Variants in NCKAP5 observed in about 807,000 individuals in gnomAD.
NCKAP5 encodes nck-associated protein 5.
A neutral mutation model predicts 167.0 loss-of-function variants in NCKAP5; 92 were observed. The observed-to-expected ratio is 0.55, with a 90% CI of 0.47 to 0.66. NCKAP5 has a LOEUF of 0.66. Ranked by LOEUF, NCKAP5 falls within the 30% of genes least tolerant of loss-of-function variation. NCKAP5 has a pLI of 0.00. For missense variants in NCKAP5, 2,378 were observed against 2,315.0 expected (o/e 1.03, Z -0.56); for synonymous variants, 891 against 877.4 (o/e 1.02, Z -0.27).
At chr2:133,445,405 T>C (rs1691131645) in intron 3 of NCKAP5, among the ~76,000 whole-genome samples, 1 of 152,188 alleles carries the variant, frequency 6.6e-6, no homozygotes, top group Admixed American at 6.5e-5. Flanking sequence ...TTGACTTAAT[T>C]CTCATAAAAA....
Position 132,672,956 on chromosome 2 carries a change from ACCCCCCAC to A in NCKAP5, c.*325_*332del. On this transcript the variant is annotated 3_prime_UTR_variant, in exon 20 of 20. Coordinates refer to ENST00000409261, the MANE Select transcript of NCKAP5 (RefSeq NM_207363.3). ...TATTGTTATCTCTATCAAGCGGTGC[ACCCCCCAC>A]CCCCCACCCATCATTTCTTAAGCGC... The A allele has an allele frequency of 9.0e-6, 2 of 221,538 alleles. No homozygotes were observed. Among genetic ancestry groups the A allele is most frequent in the Non-Finnish European group, 1.4e-5 (2 of 145,196 alleles). 13.7% of individuals were successfully genotyped at this position (221,538 alleles called of 1,614,324 possible). A position where few individuals can be genotyped will look rare whatever the true frequency, so the allele number is the denominator to read the frequency against.
chr2:133,115,944 C>A (rs2082068106), intron 6 of NCKAP5, among the ~76,000 whole-genome samples: 1 of 151,034 alleles, frequency 6.6e-6, no homozygotes, highest in African/African-American at 2.4e-5. Flanking sequence ...AAATGAGGAA[C>A]TCTAGATAAA....
At chr2:133,032,898 G>A (rs916723330) in intron 6 of NCKAP5, among the ~76,000 whole-genome samples, 7 of 152,224 alleles carry the variant, frequency 4.6e-5, no homozygotes, top group African/African-American at 1.7e-4. Flanking sequence ...GCAAGCGAAG[G>A]GGGAAGTGCT....
intron 11 of NCKAP5, among the ~76,000 whole-genome samples, chr2:132,837,830 A>T (rs1688006206): frequency 6.6e-6 from 1 of 151,900 alleles, no homozygotes. Flanking sequence ...CACTGGGGAG[A>T]CCTCCAAATG....
At chr2:133,609,020 C>T in the NCKAP5 span, among the ~76,000 whole-genome samples, 1 of 152,206 alleles carries the variant, frequency 6.6e-6, no homozygotes, top group African/African-American at 2.4e-5. Flanking sequence ...AAATCCTGCG[C>T]CTCCTTCCAC....
chr2:133,233,340 A>C (rs542709717), intron 4 of NCKAP5, among the ~76,000 whole-genome samples: 1 of 152,192 alleles, frequency 6.6e-6, no homozygotes, highest in Admixed American at 6.5e-5. Context: ...ACCAATACCC[A>C]TTTTATGCAA....
intron 3 of NCKAP5, among the ~76,000 whole-genome samples, chr2:133,365,699 T>C (rs1376557051): frequency 6.6e-6 from 1 of 152,250 alleles, no homozygotes; most frequent in Admixed American, 6.5e-5. Context: ...TGTGAATACA[T>C]TGAAGGCCAT....
chr2:133,098,014 T>C (rs2081395395), intron 6 of NCKAP5, among the ~76,000 whole-genome samples: 1 of 152,234 alleles, frequency 6.6e-6, no homozygotes. Flanking sequence ...TTCTATTATA[T>C]GATCTCCTCA....
At chr2:133,079,372 A>C (rs2080726570) in intron 6 of NCKAP5, among the ~76,000 whole-genome samples, 1 of 152,174 alleles carries the variant, frequency 6.6e-6, no homozygotes, top group South Asian at 2.1e-4. Context: ...TTAACTGAAA[A>C]AGTTTCAGCT....
chr2:133,604,790 C>A, the NCKAP5 span, among the ~76,000 whole-genome samples: 1 of 152,184 alleles, frequency 6.6e-6, no homozygotes, highest in South Asian at 2.1e-4. Flanking sequence ...CTAAGACCGG[C>A]TTGGTCTGGG....
chr2:133,253,535 T>G (rs2088458518), intron 4 of NCKAP5, among the ~76,000 whole-genome samples: 1 of 152,178 alleles, frequency 6.6e-6, no homozygotes, highest in Non-Finnish European at 1.5e-5. Context: ...AATGCCCCCA[T>G]GCCTTGGACT....
rs1683066993 is a variant in NCKAP5 at position 132,781,924 on chromosome 2, T to A, written c.4871+16A>T. 11 of 1,596,460 alleles carry A rather than the reference T, an allele frequency of 6.9e-6. No homozygotes were observed. The East Asian group carries it at 2.5e-4, about 36-fold the overall frequency. On this transcript the variant is annotated intron_variant, in intron 14 of 19. Coordinates refer to ENST00000409261, the MANE Select transcript of NCKAP5 (RefSeq NM_207363.3). Reference sequence around the variant, plus strand: ...GGGACCCCTCTACATTGCTACCTGCTTTTCCAGTGAGTTACCTGTTCAAGA... The same window carrying A: ...GGGACCCCTCTACATTGCTACCTGCATTTCCAGTGAGTTACCTGTTCAAGA...
the NCKAP5 span, among the ~76,000 whole-genome samples, chr2:133,661,722 G>T: frequency 6.6e-6 from 1 of 152,024 alleles, no homozygotes; most frequent in Non-Finnish European, 1.5e-5. Context: ...GAGTTTGAAG[G>T]TCTCCCAACC....
chr2:132,886,271 C>G (rs1338725722), intron 8 of NCKAP5, among the ~76,000 whole-genome samples: 2 of 152,184 alleles, frequency 1.3e-5, no homozygotes, highest in Non-Finnish European at 2.9e-5. Context: ...ACCACATTTG[C>G]TTATCATTTA....
At position 133,258,694 on chromosome 2, in the gene NCKAP5, C is replaced by T. The variant is rs79766053; in HGVS notation, c.143+44343G>A. Among the ~76,000 whole-genome samples the T allele has an allele frequency of 7.4e-3, 1,116 of 151,082 alleles. 14 individuals are homozygous for T. Among genetic ancestry groups the T allele is most frequent in the African/African-American group, 0.023 (956 of 41,044 alleles). ...CAGGGAGGTTGAGGTTGCAGTGAGC[C>T]GAGATTGTGCCACTGCATTTTAGCC... On this transcript the variant is annotated intron_variant, in intron 4 of 19. Transcript: ENST00000409261.
intron 12 of NCKAP5, among the ~76,000 whole-genome samples, chr2:132,791,832 G>A (rs1361264926): frequency 6.6e-6 from 1 of 152,130 alleles, no homozygotes; most frequent in Non-Finnish European, 1.5e-5. Flanking sequence ...AGTACACAGG[G>A]CATGTTTAAT....
intron 2 of NCKAP5, chr2:133,554,560 C>G (rs1334160963): frequency 6.6e-6 from 1 of 152,186 alleles, no homozygotes; most frequent in African/African-American, 2.4e-5. Flanking sequence ...GTTCCTAGTA[C>G]TGACTTATAC....
intron 4 of NCKAP5, among the ~76,000 whole-genome samples, chr2:133,284,179 G>T (rs1306535732): frequency 3.3e-5 from 5 of 151,544 alleles, no homozygotes; most frequent in Non-Finnish European, 5.9e-5. Context: ...ATATATGATT[G>T]TATATAATAT....
intron 3 of NCKAP5, among the ~76,000 whole-genome samples, chr2:133,457,912 G>A (rs1691957895): frequency 6.6e-6 from 1 of 151,764 alleles, no homozygotes; most frequent in Admixed American, 6.6e-5. Context: ...TTCTCCTCTT[G>A]TCTCTGTTTA....
Sources: gnomAD v4.1 joint callset for allele counts (sites outside exome capture counted in the v4.1 genomes callset) on GRCh38, gnomAD v4.1.1 for gene constraint, MANE v1.5 for transcripts, NCBI Gene and HGNC (gene_info 2026-07-23, HGNC 2026-07-21) for gene names.